UBASH3B: variants seen among roughly 807,000 people sequenced by gnomAD.
UBASH3B encodes ubiquitin associated and SH3 domain containing B.
In UBASH3B, 37 loss-of-function variants were observed where a neutral mutation model predicts 83.4. The observed-to-expected ratio is 0.44, with a 90% CI of 0.34 to 0.58. The LOEUF (loss-of-function observed/expected upper bound fraction) is 0.58, where lower values mean the gene tolerates loss of function less well. UBASH3B is among the 20% of genes least tolerant of loss of function. The pLI, the probability that UBASH3B is intolerant of heterozygous loss-of-function variation, is 0.01. For synonymous variants in UBASH3B, 304 were observed against 318.3 expected (o/e 0.96, Z 0.48); for missense variants, 657 against 827.2 (o/e 0.79, Z 2.52).
At chr11:122,781,127 C>G (rs772471074) in intron 4 of UBASH3B, among the ~76,000 whole-genome samples, 4 of 152,096 alleles carry the variant, frequency 2.6e-5, no homozygotes, top group Non-Finnish European at 5.9e-5. Context: ...GACCTTAAGA[C>G]CCCTCTGTAC....
At chr11:122,703,148 C>T (rs916374826) in intron 1 of UBASH3B, among the ~76,000 whole-genome samples, 3 of 151,812 alleles carry the variant, frequency 2.0e-5, no homozygotes, top group African/African-American at 4.8e-5. Context: ...TTTCTTTGGC[C>T]GGGCACGGTG....
chr11:122,741,192 G>C (rs1322309454), intron 1 of UBASH3B, among the ~76,000 whole-genome samples: 1 of 152,142 alleles, frequency 6.6e-6, no homozygotes, highest in Non-Finnish European at 1.5e-5. Context: ...ATGTGATTCA[G>C]ATTTTATAAG....
intron 1 of UBASH3B, among the ~76,000 whole-genome samples, chr11:122,746,666 G>A (rs1861122996): frequency 6.6e-6 from 1 of 152,140 alleles, no homozygotes; most frequent in Admixed American, 6.5e-5. Context: ...AGAGTGCTAT[G>A]AGACTTCCGA....
At position 122,759,764 on chromosome 11, in the gene UBASH3B, G is replaced by A. The variant is rs1272492336; in HGVS notation, c.162-16455G>A. ...TAGGAGGCAGAGCTCAGGCAGTAAT[G>A]CTCACTCGCCTGCCTGCCTGCTGTG... On this transcript the variant is annotated intron_variant, in intron 1 of 13. Coordinates refer to ENST00000284273, the MANE Select transcript of UBASH3B (RefSeq NM_032873.5). This position sits in a 1 kb window ranked among gnomAD's most constrained non-coding sequence, Gnocchi z 4.1. Among the ~76,000 whole-genome samples the A allele has an allele frequency of 2.6e-5, 4 of 152,228 alleles. No individual in the cohort carries two copies. Among genetic ancestry groups the A allele is most frequent in the African/African-American group, 9.6e-5 (4 of 41,466 alleles).
chr11:122,761,326 C>G (rs1033942812), intron 1 of UBASH3B, among the ~76,000 whole-genome samples: 13 of 152,168 alleles, frequency 8.5e-5, no homozygotes, highest in Non-Finnish European at 1.6e-4. Context: ...AAAAAAATAG[C>G]CTGCCATGGT....
Position 122,776,252 on chromosome 11 carries a change from T to A in UBASH3B, c.195T>A (p.Ser65Arg). ...CCTTGGCATCCACGGGAGGAAGAAG[T>A]GTTCAGGCAGCATGTGACTGGTTGG... ...QKALASTGGR[S>R]VQAACDWLFS... The change falls in exon 2 of 14, where the codon AGT becomes AGA. Residue 65 changes from serine (S) to arginine (R), a missense_variant. By Grantham distance (110) the Ser-to-Arg change is moderately radical (BLOSUM62 -1). Coordinates refer to ENST00000284273, the MANE Select transcript of UBASH3B (RefSeq NM_032873.5). 1 of 1,609,412 alleles carries A rather than the reference T, an allele frequency of 6.2e-7. No homozygotes were observed. The highest frequency in any genetic ancestry group is 8.5e-7 in the Non-Finnish European group (1 of 1,178,492).
intron 1 of UBASH3B, among the ~76,000 whole-genome samples, chr11:122,748,710 C>T (rs557844887): frequency 2.0e-5 from 3 of 152,272 alleles, no homozygotes; most frequent in East Asian, 1.9e-4. Flanking sequence ...ATCCAAGGGT[C>T]GCAGTGACGT....
At chr11:122,792,872 G>A (rs1048769749) in intron 6 of UBASH3B, among the ~76,000 whole-genome samples, 25 of 152,076 alleles carry the variant, frequency 1.6e-4, no homozygotes, top group African/African-American at 5.8e-4. Context: ...CAGCACGAGT[G>A]TATTTTTTTT....
chr11:122,743,809 C>T (rs1442575979), intron 1 of UBASH3B, among the ~76,000 whole-genome samples: 3 of 152,136 alleles, frequency 2.0e-5, no homozygotes, highest in Non-Finnish European at 2.9e-5. Flanking sequence ...GTGGCAGGCA[C>T]GAGTAAGTCT....
chr11:122,774,160 G>A (rs1421174736), intron 1 of UBASH3B: 1 of 985,284 alleles, frequency 1.0e-6, no homozygotes, highest in Non-Finnish European at 1.2e-6. Context: ...GTCAAAGTGT[G>A]GGAATGAGCG....
At chr11:122,727,331 G>A (rs1012978016) in intron 1 of UBASH3B, among the ~76,000 whole-genome samples, 2 of 152,176 alleles carry the variant, frequency 1.3e-5, no homozygotes, top group Non-Finnish European at 2.9e-5. Context: ...AGCTAGAATT[G>A]CAAACTCCTG....
At chr11:122,674,379 CT>C (rs35529594) in intron 1 of UBASH3B, among the ~76,000 whole-genome samples, 10,678 of 133,040 alleles carry the variant, frequency 0.08, 395 homozygotes, top group African/African-American at 0.16. Context: ...CATTGTCTGT[CT>C]TTTTTTTTTT....
intron 1 of UBASH3B, among the ~76,000 whole-genome samples, chr11:122,772,245 G>A (rs546836169): frequency 1.3e-5 from 2 of 152,288 alleles, no homozygotes; most frequent in African/African-American, 2.4e-5. Flanking sequence ...CACCCTGCAC[G>A]TCTCCGTCAT....
At chr11:122,672,990 G>A (rs1863619448) in intron 1 of UBASH3B, among the ~76,000 whole-genome samples, 2 of 152,196 alleles carry the variant, frequency 1.3e-5, no homozygotes, top group Non-Finnish European at 2.9e-5. Context: ...CAGGGCTGAG[G>A]GGATGTGCAG....
Position 122,657,811 on chromosome 11 carries a change from A to C in UBASH3B, c.161+1601A>C, listed in dbSNP as rs1863383873. On this transcript the variant is annotated intron_variant, in intron 1 of 13. Coordinates refer to ENST00000284273, the MANE Select transcript of UBASH3B (RefSeq NM_032873.5). ...CTGATACCAGAATTACAGGGAGAAA[A>C]TGTGGGTTCTGCAGGGGTGTGTCAG... Among the ~76,000 whole-genome samples, 4 of 152,020 alleles carry C rather than the reference A, an allele frequency of 2.6e-5. 1 individual carries two copies. Among genetic ancestry groups the C allele is most frequent in the Admixed American group, 2.6e-4 (4 of 15,258 alleles).
chr11:122,770,398 C>T (rs573546746), intron 1 of UBASH3B, among the ~76,000 whole-genome samples: 471 of 151,910 alleles, frequency 3.1e-3, no homozygotes, highest in Non-Finnish European at 5.5e-3. Flanking sequence ...ATATGCTGAG[C>T]ACCCCTAGAG....
Position 122,789,083 on chromosome 11 carries a change from C to G in UBASH3B, c.772-17C>G, listed in dbSNP as rs1861005684. ...TGGTGAGGCATGGGGCTCACTCACC[C>G]TCTCTTCCTTTTCCAGACATTACAG... On this transcript the variant is annotated splice_polypyrimidine_tract_variant and intron_variant, in intron 5 of 13. Transcript: ENST00000284273. The G allele has an allele frequency of 2.5e-6, 4 of 1,606,314 alleles. No individual in the cohort carries two copies. In the South Asian group the frequency reaches 4.4e-5, roughly 18 times the overall value.
chr11:122,771,460 C>T (rs1489462342), intron 1 of UBASH3B, among the ~76,000 whole-genome samples: 1 of 152,132 alleles, frequency 6.6e-6, no homozygotes, highest in South Asian at 2.1e-4. Flanking sequence ...AGGCTGGTCT[C>T]GAACTCCTCT....
chr11:122,690,167 CATATATATAT>C (rs57203901), intron 1 of UBASH3B, among the ~76,000 whole-genome samples: 63 of 43,564 alleles, frequency 1.4e-3, no homozygotes, highest in South Asian at 2.9e-3. Context: ...GGCAGGAAAA[CATATATATAT>C]ATATATATAT....
Sources: allele counts gnomAD v4.1 joint callset (sites outside exome capture counted in the v4.1 genomes callset), GRCh38; gene constraint gnomAD v4.1.1; non-coding constraint Gnocchi (gnomAD v3.1); transcripts MANE v1.5; gene names NCBI Gene and HGNC (gene_info 2026-07-23, HGNC 2026-07-21).